UBE2U: variants seen among roughly 807,000 people sequenced by gnomAD.
The protein encoded by UBE2U is ubiquitin conjugating enzyme E2 U.
In UBE2U, 39 loss-of-function variants were observed where a neutral mutation model predicts 41.2. That is an observed-to-expected ratio of 0.95 (90% CI 0.73 to 1.24). UBE2U has a LOEUF of 1.24. Ranked by LOEUF, UBE2U falls within the 50% of genes most tolerant of loss-of-function variation. The probability of loss-of-function intolerance (pLI) is 0.00; values close to 1 mark genes in which losing one functional copy is unlikely to be tolerated. For missense variants in UBE2U, 336 were observed against 363.1 expected (o/e 0.93, Z 0.61); for synonymous variants, 107 against 117.8 (o/e 0.91, Z 0.60).
At chr1:64,217,086 C>T (rs1480743370) in intron 5 of UBE2U, among the ~76,000 whole-genome samples, 4 of 152,154 alleles carry the variant, frequency 2.6e-5, no homozygotes, top group African/African-American at 9.7e-5. Context: ...CCATCCAGGT[C>T]CCAGTTGGCC....
At chr1:64,253,135 A>C (rs1413728270) in intron 8 of UBE2U, among the ~76,000 whole-genome samples, 1 of 152,206 alleles carries the variant, frequency 6.6e-6, no homozygotes, top group Non-Finnish European at 1.5e-5. Flanking sequence ...TATCAATAGC[A>C]GAATAGATCA....
intron 1 of UBE2U, among the ~76,000 whole-genome samples, chr1:64,204,762 G>C (rs1039504125): frequency 5.9e-5 from 9 of 152,322 alleles, no homozygotes; most frequent in African/African-American, 2.2e-4. Flanking sequence ...AGAAAGAACA[G>C]AAAGAAAGCT....
intron 7 of UBE2U, 97 bp downstream of exon 7, chr1:64,232,746 G>T: frequency 1.2e-6 from 1 of 862,378 alleles, no homozygotes; most frequent in Non-Finnish European, 1.8e-6. Flanking sequence ...CATCTGCTAT[G>T]TAAGAGTGAT....
rs192656201 is a variant in UBE2U, at chr1:64,223,195, C to T, written c.506+2288C>T. Among the ~76,000 whole-genome samples, 9 of 152,298 alleles carry T rather than the reference C, an allele frequency of 5.9e-5. No individual in the cohort carries two copies. In the East Asian group the frequency reaches 1.5e-3, roughly 26 times the overall value. The stretch of plus-strand genomic sequence containing the variant: ...CACCTGATTAATATGTCATCCCTAA[C>T]CTCACGAGATTTATATTCTAGCATT... On this transcript the variant is annotated intron_variant, in intron 6 of 9. Transcript: ENST00000371077.
intron 6 of UBE2U, among the ~76,000 whole-genome samples, chr1:64,225,986 C>T (rs1570022802): frequency 6.6e-6 from 1 of 152,172 alleles, no homozygotes; most frequent in South Asian, 2.1e-4. Context: ...ATTACCTTTC[C>T]TGTAATCCAG....
chr1:64,210,261 T>G (rs939110185), intron 3 of UBE2U, among the ~76,000 whole-genome samples: 5 of 152,240 alleles, frequency 3.3e-5, no homozygotes, highest in African/African-American at 7.2e-5. Flanking sequence ...TTAACTGTGT[T>G]AGGGCATATG....
intron 8 of UBE2U, among the ~76,000 whole-genome samples, chr1:64,258,973 T>C (rs1476380286): frequency 6.6e-6 from 1 of 152,236 alleles, no homozygotes; most frequent in Non-Finnish European, 1.5e-5. Flanking sequence ...CCACATCCTC[T>C]CCAACATCTG....
intron 5 of UBE2U, among the ~76,000 whole-genome samples, chr1:64,218,065 T>G (rs1652149899): frequency 6.6e-6 from 1 of 152,162 alleles, no homozygotes; most frequent in Admixed American, 6.5e-5. Flanking sequence ...GTGAGTATAC[T>G]TCTTTGGTTA....
chr1:64,264,330 G>A (rs544442076), intron 9 of UBE2U, among the ~76,000 whole-genome samples: 1 of 152,110 alleles, frequency 6.6e-6, no homozygotes, highest in African/African-American at 2.4e-5. Context: ...AACTTATTTT[G>A]TTAACATAGT....
At chr1:64,225,178 A>G (rs1652784371) in intron 6 of UBE2U, among the ~76,000 whole-genome samples, 1 of 152,250 alleles carries the variant, frequency 6.6e-6, no homozygotes, top group African/African-American at 2.4e-5. Flanking sequence ...AGATAACTCG[A>G]GAACCATTAT....
At chr1:64,230,483 T>C (rs944314053) in intron 6 of UBE2U, among the ~76,000 whole-genome samples, 12 of 152,180 alleles carry the variant, frequency 7.9e-5, no homozygotes, top group African/African-American at 2.9e-4. Flanking sequence ...TTCTAGTCAA[T>C]TGTTCTATAA....
Position 64,241,704 on chromosome 1 carries a change from T to A in UBE2U, c.648T>A (p.Asp216Glu), listed in dbSNP as rs756752430. The A allele has an allele frequency of 5.6e-6, 9 of 1,609,638 alleles. No individual in the cohort carries two copies. In the African/African-American group the frequency reaches 1.2e-4, roughly 22 times the overall value. ...IGQYYKWKKM[D>E]LQHQKEWNLK... ...AGTATTACAAATGGAAGAAAATGGATCTACAGCATCAGAAAGAATGGAATT... is the reference window on the plus strand; with the variant it reads ...AGTATTACAAATGGAAGAAAATGGAACTACAGCATCAGAAAGAATGGAATT... Residue 216 changes from aspartate to glutamate, a missense_variant, in exon 8 of 10, where the codon GAT becomes GAA. Asp to Glu is a conservative substitution (Grantham distance 45, BLOSUM62 2). Transcript: ENST00000371077.
chr1:64,262,976 T>C (rs1053007331), intron 9 of UBE2U, among the ~76,000 whole-genome samples: 1 of 152,100 alleles, frequency 6.6e-6, no homozygotes, highest in African/African-American at 2.4e-5. Flanking sequence ...AATGAGTAAG[T>C]AAATAGTAGG....
rs191609051 is a variant in UBE2U, at chr1:64,228,918, T to A, written c.507-3643T>A. Among the ~76,000 whole-genome samples, 194 of 145,674 alleles carry A rather than the reference T, an allele frequency of 1.3e-3. 1 individual carries two copies. Among genetic ancestry groups the A allele is most frequent in the African/African-American group, 4.7e-3 (183 of 38,998 alleles). On this transcript the variant is annotated intron_variant, in intron 6 of 9. Coordinates refer to ENST00000371077, the MANE Select transcript of UBE2U (RefSeq NM_001366232.2). ...GCTCTGTCTCCAGGCTGGATTGTAG[T>A]GGCGCGATCTCAGCTCACGGCAACC... is the stretch of plus-strand genomic sequence containing the variant.
At chr1:64,204,217 G>A in intron 1 of UBE2U, 101 bp downstream of exon 1, 1 of 973,538 alleles carries the variant, frequency 1.0e-6, no homozygotes, top group East Asian at 2.7e-5. Context: ...AGTTAAACCT[G>A]ATTTGCCACT....
In UBE2U at chr1:64,267,184, C is replaced by T; in HGVS notation, c.930C>T (p.Leu310=). ...VEDLISWTNT[L]NTNTSED is the part of the protein sequence containing the mutation. ...ATCTGATCTCCTGGACCAATACTCT[C>T]AATACAAATACTTCAGAAGATTAAG... Residue 310 remains leucine (L), a synonymous_variant, in exon 10 of 10, where the codon CTC becomes CTT. Transcript: ENST00000371077. 1 of 1,532,912 alleles carries T rather than the reference C, an allele frequency of 6.5e-7. No homozygotes were observed. Among genetic ancestry groups the T allele is most frequent in the Non-Finnish European group, 8.8e-7 (1 of 1,142,154 alleles). The allele number at this position is 1,532,912 out of a possible 1,614,324, so 95.0% of individuals were successfully genotyped here.
At position 64,267,317 on chromosome 1, in the gene UBE2U, C is replaced by G; in HGVS notation, c.*109C>G. ...TGGATTTCATTTTTTTTAAGTTGTT[C>G]TCACCCACTCACTGCAAGTACAAAT... On this transcript the variant is annotated 3_prime_UTR_variant, in exon 10 of 10. Transcript: ENST00000371077. 3.6e-6 allele frequency: 3 copies of G among 842,746 alleles called. No homozygotes were observed. Among genetic ancestry groups the G allele is most frequent in the Non-Finnish European group, 5.3e-6 (3 of 569,526 alleles). The allele number at this position is 842,746 out of a possible 1,614,324, so 52.2% of individuals were successfully genotyped here. A position where few individuals can be genotyped will look rare whatever the true frequency, so the allele number is the denominator to read the frequency against.
At chr1:64,238,804 G>A (rs912992530) in intron 7 of UBE2U, among the ~76,000 whole-genome samples, 1 of 152,026 alleles carries the variant, frequency 6.6e-6, no homozygotes, top group Non-Finnish European at 1.5e-5. Flanking sequence ...CACTTTGGGA[G>A]GCCAAAGCAG....
chr1:64,210,554 T>A (rs1437210173), intron 3 of UBE2U, among the ~76,000 whole-genome samples, 188 bp from the exon 4 acceptor site: 1 of 152,194 alleles, frequency 6.6e-6, no homozygotes, highest in Non-Finnish European at 1.5e-5. Flanking sequence ...CACCTATGTA[T>A]TCAGCTAAAA....
Sources: gnomAD v4.1 joint callset for allele counts (sites outside exome capture counted in the v4.1 genomes callset) on GRCh38, gnomAD v4.1.1 for gene constraint, MANE v1.5 for transcripts, NCBI Gene and HGNC (gene_info 2026-07-23, HGNC 2026-07-21) for gene names.